The following ASTN2 variants were observed in gnomAD, a reference collection of about 807,000 sequenced individuals.
ASTN2 encodes the protein astrotactin-2.
In ASTN2, 54 loss-of-function variants were observed where a neutral mutation model predicts 139.8. The ratio of observed to expected loss-of-function variants is 0.39; its 90% confidence interval spans 0.31 to 0.48. The LOEUF (loss-of-function observed/expected upper bound fraction) is 0.48. ASTN2 is among the 20% of genes least tolerant of loss of function. The pLI is 0.95. For missense variants in ASTN2, 1,565 were observed against 1,725.1 expected (o/e 0.91, Z 1.64); for synonymous variants, 756 against 719.5 (o/e 1.05, Z -0.81).
At chr9:116,428,078 G>A (rs1847365219) in intron 22 of ASTN2, among the ~76,000 whole-genome samples, 1 of 152,198 alleles carries the variant, frequency 6.6e-6, no homozygotes, top group African/African-American at 2.4e-5. Context: ...ATGACAATAC[G>A]AATGACAAAA....
chr9:117,360,227 G>A (rs1829654836), intron 1 of ASTN2, among the ~76,000 whole-genome samples: 1 of 152,086 alleles, frequency 6.6e-6, no homozygotes, highest in African/African-American at 2.4e-5. Context: ...AAAAATAAGA[G>A]GAAAACAAGA....
intron 10 of ASTN2, among the ~76,000 whole-genome samples, chr9:116,872,016 G>C (rs1397770681): frequency 5.9e-5 from 9 of 152,014 alleles, no homozygotes; most frequent in Admixed American, 4.6e-4. Context: ...CCAGGCTGGA[G>C]TGCAGTGGCG....
intron 3 of ASTN2, among the ~76,000 whole-genome samples, chr9:117,208,579 G>T (rs1832015223): frequency 6.6e-6 from 1 of 152,120 alleles, no homozygotes. Context: ...TATATTTAAT[G>T]AAATAATAGC....
At chr9:116,549,153 C>G (rs749868400) in intron 19 of ASTN2, among the ~76,000 whole-genome samples, 1 of 150,458 alleles carries the variant, frequency 6.6e-6, no homozygotes, top group Admixed American at 6.7e-5. Flanking sequence ...CCTGTGTCAT[C>G]TGAAGCAAAC....
chr9:117,362,000 T>G (rs1157111412), intron 1 of ASTN2, among the ~76,000 whole-genome samples: 1 of 152,006 alleles, frequency 6.6e-6, no homozygotes, highest in Non-Finnish European at 1.5e-5. Flanking sequence ...TGAGATGGAG[T>G]TTCATTCTTG....
chr9:117,209,583 A>G (rs908840340), intron 3 of ASTN2, among the ~76,000 whole-genome samples: 1 of 152,158 alleles, frequency 6.6e-6, no homozygotes, highest in South Asian at 2.1e-4. Context: ...AAAGGGAGAG[A>G]CAGACTCCAG....
At chr9:117,169,780 A>G (rs977068843) in intron 3 of ASTN2, among the ~76,000 whole-genome samples, 3 of 152,122 alleles carry the variant, frequency 2.0e-5, no homozygotes, top group African/African-American at 7.2e-5. Flanking sequence ...TTCCATGATG[A>G]ATTAGAGACA....
intron 20 of ASTN2, among the ~76,000 whole-genome samples, chr9:116,454,829 A>T (rs1848279469): frequency 6.6e-6 from 1 of 152,168 alleles, no homozygotes; most frequent in Non-Finnish European, 1.5e-5. Context: ...CATAGGTGGG[A>T]ATTGAACAAT....
At chr9:117,181,920 G>T (rs1831078942) in intron 3 of ASTN2, among the ~76,000 whole-genome samples, 2 of 152,140 alleles carry the variant, frequency 1.3e-5, no homozygotes, top group African/African-American at 4.8e-5. Flanking sequence ...ATTCGCAAAA[G>T]CTGAGAGGGA....
chr9:116,626,155 T>G (rs1226639853), intron 17 of ASTN2, among the ~76,000 whole-genome samples: 3 of 37,598 alleles, frequency 8.0e-5, no homozygotes, highest in African/African-American at 5.2e-4. Context: ...AGTTTTTGTG[T>G]TTTTTTTTTT....
At chr9:116,609,608 A>G (rs910486575) in intron 19 of ASTN2, among the ~76,000 whole-genome samples, 2 of 151,910 alleles carry the variant, frequency 1.3e-5, no homozygotes, top group Non-Finnish European at 2.9e-5. Flanking sequence ...GACATCCTTT[A>G]GGCTGAAAGA....
chr9:117,142,074 T>C (rs530080205), intron 3 of ASTN2, among the ~76,000 whole-genome samples: 1 of 152,290 alleles, frequency 6.6e-6, no homozygotes, highest in African/African-American at 2.4e-5. Flanking sequence ...GGAGCACGGA[T>C]GCTTGAGCAT....
At chr9:117,023,582 G>C (rs952701788) in intron 6 of ASTN2, among the ~76,000 whole-genome samples, 3 of 152,002 alleles carry the variant, frequency 2.0e-5, no homozygotes, top group Non-Finnish European at 4.4e-5. Context: ...TTTGGTGTTC[G>C]TCTCCTGCTG....
chr9:116,835,883 C>T (rs1291871527), intron 11 of ASTN2, among the ~76,000 whole-genome samples: 1 of 152,172 alleles, frequency 6.6e-6, no homozygotes, highest in Non-Finnish European at 1.5e-5. Flanking sequence ...AACTCCTGGG[C>T]TTAAGCAATC....
At chr9:117,019,390 G>A (rs1412068806) in intron 6 of ASTN2, among the ~76,000 whole-genome samples, 3 of 151,946 alleles carry the variant, frequency 2.0e-5, no homozygotes, top group Non-Finnish European at 2.9e-5. Context: ...AAAAATCAGC[G>A]GTTTCAACAG....
chr9:117,068,802 G>T (rs910345376), intron 5 of ASTN2, among the ~76,000 whole-genome samples: 2 of 135,004 alleles, frequency 1.5e-5, no homozygotes, highest in African/African-American at 5.2e-5. Context: ...GCGTACAGGT[G>T]TTTGTAGTAT....
chr9:117,334,854 G>A (rs1338049567), intron 1 of ASTN2, among the ~76,000 whole-genome samples: 1 of 152,142 alleles, frequency 6.6e-6, no homozygotes, highest in Admixed American at 6.5e-5. Flanking sequence ...AGAAGTTTGA[G>A]ATCATCCTGG....
At chr9:116,604,282 G>C (rs897908716) in intron 19 of ASTN2, among the ~76,000 whole-genome samples, 5 of 152,150 alleles carry the variant, frequency 3.3e-5, no homozygotes, top group African/African-American at 9.7e-5. Flanking sequence ...GGAATGAACA[G>C]GATAAAGACT....
rs866263834 is a variant in ASTN2 at position 116,590,833 on chromosome 9, G to A, written c.3355+27491C>T. ...CCCAGGAAGGAGCTTTGGTCTCCTC[G>A]ACTTGCCCATGGAAAGCAGTGACCC... On this transcript the variant is annotated intron_variant, in intron 19 of 22. Coordinates refer to ENST00000313400, the MANE Select transcript of ASTN2 (RefSeq NM_001365068.1). 2.5e-4 allele frequency among the ~76,000 whole-genome samples: 38 copies of A among 152,212 alleles called. 1 individual carries two copies. Among genetic ancestry groups the A allele is most frequent in the Admixed American group, 7.8e-4 (12 of 15,304 alleles).
Sources: allele counts gnomAD v4.1 joint callset (sites outside exome capture counted in the v4.1 genomes callset), GRCh38; gene constraint gnomAD v4.1.1; transcripts MANE v1.5; gene names NCBI Gene and HGNC (gene_info 2026-07-23, HGNC 2026-07-21).